The following DNMT3A variants were observed in gnomAD, a reference collection of about 807,000 sequenced individuals.
The protein encoded by DNMT3A is DNA methyltransferase 3 alpha.
DNMT3A carries 267 observed loss-of-function variants against 117.6 expected under a neutral mutation model. The ratio of observed to expected loss-of-function variants is 2.27; its 90% confidence interval spans 2.05 to 2.51. The LOEUF (loss-of-function observed/expected upper bound fraction) is 2.51, where lower values mean the gene tolerates loss of function less well. Ranked by LOEUF, DNMT3A falls within the 30% of genes most tolerant of loss-of-function variation. The pLI, the probability that DNMT3A is intolerant of heterozygous loss-of-function variation, is 0.00. For missense variants in DNMT3A, 1,029 were observed against 1,260.2 expected, an observed-to-expected ratio of 0.82 and a Z score of 2.78; for synonymous variants, 432 against 474.8, an observed-to-expected ratio of 0.91 and a Z score of 1.17.
At position 25,254,830 on chromosome 2, in the gene DNMT3A, A is replaced by G. The variant is rs1675976887; in HGVS notation, c.640-6578T>C. ...TGCGGCTAAACACCTTAGACTCCAC[A>G]TTCTGTGGTCTTGGGACATAAGACT... On this transcript the variant is annotated intron_variant, in intron 6 of 22. Transcript: ENST00000321117. This position sits in a 1 kb window ranked among gnomAD's most constrained non-coding sequence, Gnocchi z 4.7. Among the ~76,000 whole-genome samples the G allele has an allele frequency of 6.6e-6, 1 of 152,160 alleles. No individual in the cohort carries two copies. Among genetic ancestry groups the G allele is most frequent in the Admixed American group, 6.5e-5 (1 of 15,282 alleles).
chr2:25,341,834 C>A lies in DNMT3A; in HGVS notation c.-186G>T. The A allele has an allele frequency of 1.0e-6, 1 of 980,396 alleles. No individual in the cohort carries two copies. Among genetic ancestry groups the A allele is most frequent in the South Asian group, 4.6e-5 (1 of 21,850 alleles). The allele number at this position is 980,396 out of a possible 1,614,324, so 60.7% of individuals were successfully genotyped here. A position where few individuals can be genotyped will look rare whatever the true frequency, so the allele number is the denominator to read the frequency against. ...GCAGCGGCGCTCATTACCGTATGGC[C>A]GGTGGGGTCGGGCCGGCCCGGCTGC... On this transcript the variant is annotated 5_prime_UTR_variant, in exon 1 of 23. Coordinates refer to ENST00000321117, the MANE Select transcript of DNMT3A (RefSeq NM_022552.5).
chr2:25,302,751 G>T (rs1171932549), intron 2 of DNMT3A, among the ~76,000 whole-genome samples: 1 of 146,402 alleles, frequency 6.8e-6, no homozygotes, highest in African/African-American at 2.5e-5. Context: ...ATTTGTGAAG[G>T]TTCTGATTGG....
At chr2:25,334,252 G>T (rs929834849) in intron 1 of DNMT3A, among the ~76,000 whole-genome samples, 5 of 152,142 alleles carry the variant, frequency 3.3e-5, no homozygotes, top group Non-Finnish European at 7.4e-5. Context: ...GTAGCAAGAC[G>T]ACTGCAGACA....
Position 25,230,447 on chromosome 2 carries a change from C to G in DNMT3A, c.*3832G>C, listed in dbSNP as rs1010017499. Reference sequence around the variant, plus strand: ...TGGCACCTGCAGGGGAAGCTGTCATCAGCCCCCAGAACCCTTGTTTCTAAG... The same window carrying G: ...TGGCACCTGCAGGGGAAGCTGTCATGAGCCCCCAGAACCCTTGTTTCTAAG... On this transcript the variant is annotated 3_prime_UTR_variant, in exon 23 of 23. Transcript: ENST00000321117. 2 of 152,260 alleles carry G rather than the reference C, an allele frequency of 1.3e-5. No homozygotes were observed. The highest frequency in any genetic ancestry group is 4.8e-5 in the African/African-American group (2 of 41,468). 9.4% of individuals were successfully genotyped at this position (152,260 alleles called of 1,614,324 possible).
intron 1 of DNMT3A, among the ~76,000 whole-genome samples, chr2:25,332,625 G>T (rs1295818589): frequency 6.6e-6 from 1 of 152,230 alleles, no homozygotes; most frequent in East Asian, 1.9e-4. Flanking sequence ...TCGGGGGCCA[G>T]CATCTCGCCA....
chr2:25,246,260 A>AG lies in DNMT3A; in HGVS notation c.1328dup (p.Glu444Ter). On this transcript the variant is annotated frameshift_variant, in exon 11 of 23. Coordinates refer to ENST00000321117, the MANE Select transcript of DNMT3A (RefSeq NM_022552.5). LOFTEE classifies it high-confidence loss of function. ...GAGGTGGTGCGTAGGCAGCTGCCTC[A>AG]GGTTCCACCCACATGTCCGTGTACA... 6.2e-7 allele frequency: 1 copy of AG among 1,614,058 alleles called. No homozygotes were observed. Among genetic ancestry groups the AG allele is most frequent in the Non-Finnish European group, 8.5e-7 (1 of 1,179,958 alleles).
At chr2:25,261,606 CA>C (rs11312150) in intron 6 of DNMT3A, among the ~76,000 whole-genome samples, 97,095 of 111,632 alleles carry the variant, frequency 0.87, 41,860 homozygotes, top group East Asian at 0.95. Flanking sequence ...GACTCCGTCT[CA>C]AAAAAAAAAA....
chr2:25,249,545 A>T, intron 6 of DNMT3A: 1 of 1,200,688 alleles, frequency 8.3e-7, no homozygotes. Context: ...GTATTCATTC[A>T]GTTATTTACT....
chr2:25,313,413 G>A (rs2034223788), intron 2 of DNMT3A, among the ~76,000 whole-genome samples: 1 of 152,232 alleles, frequency 6.6e-6, no homozygotes, highest in African/African-American at 2.4e-5. Flanking sequence ...GCCACACTGA[G>A]CCCAGCCTGT....
intron 1 of DNMT3A, among the ~76,000 whole-genome samples, chr2:25,331,295 C>T (rs772323183): frequency 3.3e-5 from 5 of 152,246 alleles, no homozygotes; most frequent in Non-Finnish European, 5.9e-5. Flanking sequence ...ACATGGCTCA[C>T]GTCATTTTTT....
Position 25,247,884 on chromosome 2 carries a change from G to T in DNMT3A, c.856-135C>A. 6.6e-7 allele frequency: 1 copy of T among 1,523,996 alleles called. No homozygotes were observed. Among genetic ancestry groups the T allele is most frequent in the Non-Finnish European group, 8.8e-7 (1 of 1,134,948 alleles). The allele number at this position is 1,523,996 out of a possible 1,614,324, so 94.4% of individuals were successfully genotyped here. A position where few individuals can be genotyped will look rare whatever the true frequency, so the allele number is the denominator to read the frequency against. The stretch of plus-strand genomic sequence containing the variant: ...AGGGAGCTCCATCTGAATGAGGCAA[G>T]ACAGAGCAAAATCGGGGAGACGAAG... On this transcript the variant is annotated intron_variant, in intron 7 of 22. Coordinates refer to ENST00000321117, the MANE Select transcript of DNMT3A (RefSeq NM_022552.5). This position sits in a 1 kb window ranked among gnomAD's most constrained non-coding sequence, Gnocchi z 5.6.
rs771174392 is a variant in DNMT3A, at chr2:25,235,779, T to C, written c.2525A>G (p.Gln842Arg). 1.2e-6 allele frequency: 2 copies of C among 1,614,210 alleles called. No homozygotes were observed. Among genetic ancestry groups the C allele is most frequent in the Non-Finnish European group, 1.7e-6 (2 of 1,180,000 alleles). The part of the protein sequence containing the change: ...TITTRSNSIK[Q>R]GKDQHFPVFM... ...GACAGGAAAATGCTGGTCTTTGCCC[T>C]GCTTTATGGAGTTTGACCTCGTAGT... is the stretch of plus-strand genomic sequence containing the variant. Residue 842 changes from glutamine (Q) to arginine (R), a missense_variant, in exon 22 of 23, where the codon CAG (glutamine) becomes CGG (arginine). Gln to Arg is a conservative substitution (Grantham distance 43). Transcript: ENST00000321117.
In DNMT3A at chr2:25,304,527, T is replaced by C. The variant is rs908172905; in HGVS notation, c.73-4284A>G. 6.6e-6 allele frequency among the ~76,000 whole-genome samples: 1 copy of C among 152,154 alleles called. No homozygotes were observed. Among genetic ancestry groups the C allele is most frequent in the Admixed American group, 6.5e-5 (1 of 15,286 alleles). ...CCTCACTATCACACAGAGCCCAACA[T>C]CTGGCGGGCGCTCTTGCCGCAAGAT... On this transcript the variant is annotated intron_variant, in intron 2 of 22. Coordinates refer to ENST00000321117, the MANE Select transcript of DNMT3A (RefSeq NM_022552.5). The surrounding 1 kb of genome is among the most constrained non-coding windows in gnomAD (Gnocchi z 4.3).
chr2:25,240,886 T>C (rs867632753), intron 17 of DNMT3A, among the ~76,000 whole-genome samples, 156 bp from the exon 18 acceptor site: 1 of 152,188 alleles, frequency 6.6e-6, no homozygotes, highest in Non-Finnish European at 1.5e-5. Flanking sequence ...GCTGCAACCA[T>C]GGACAAGTCC....
chr2:25,309,940 C>T (rs1178886504), intron 2 of DNMT3A, among the ~76,000 whole-genome samples: 1 of 152,050 alleles, frequency 6.6e-6, no homozygotes, highest in Non-Finnish European at 1.5e-5. Flanking sequence ...CCTGTAGTCC[C>T]AGCTACTCAG....
In DNMT3A at chr2:25,252,435, G is replaced by C; in HGVS notation, c.640-4183C>G. On this transcript the variant is annotated intron_variant, in intron 6 of 22. Transcript: ENST00000321117. The surrounding 1 kb of genome is among the most constrained non-coding windows in gnomAD (Gnocchi z 5.5). ...GTTGGCTGCGAGCGGCCCGGGGAGG[G>C]GGCCGGCGCTCCGACGCTGGCGCTG... 4.7e-6 allele frequency: 2 copies of C among 426,628 alleles called. No homozygotes were observed. The allele number at this position is 426,628 out of a possible 1,614,324, so 26.4% of individuals were successfully genotyped here. A position where few individuals can be genotyped will look rare whatever the true frequency, so the allele number is the denominator to read the frequency against.
Position 25,234,217 on chromosome 2 carries a change from T to G in DNMT3A, c.*62A>C, listed in dbSNP as rs571507171. Reference sequence around the variant, plus strand: ...CTCATGTTCTTGGTGTTTTATTATGTTTTGTGTTTTTTGTTTGTTTGTTTA... The same window carrying G: ...CTCATGTTCTTGGTGTTTTATTATGGTTTGTGTTTTTTGTTTGTTTGTTTA... On this transcript the variant is annotated 3_prime_UTR_variant, in exon 23 of 23. Coordinates refer to ENST00000321117, the MANE Select transcript of DNMT3A (RefSeq NM_022552.5). The surrounding 1 kb of genome is among the most constrained non-coding windows in gnomAD (Gnocchi z 4.5). 1 of 1,560,156 alleles carries G rather than the reference T, an allele frequency of 6.4e-7. No individual in the cohort carries two copies. Among genetic ancestry groups the G allele is most frequent in the African/African-American group, 1.4e-5 (1 of 73,798 alleles).
chr2:25,300,140 G>A lies in DNMT3A; in HGVS notation c.176C>T (p.Pro59Leu), dbSNP rs772542252. Residue 59 changes from proline to leucine, a missense_variant and splice_region_variant, in exon 3 of 23, where the codon CCG becomes CTG. Coordinates refer to ENST00000321117, the MANE Select transcript of DNMT3A (RefSeq NM_022552.5). ...GGGTGTGTAGGATGTGACACTCACCGGGGGGTGCTTGCGCTTCCTCCCAGG... is the reference window on the plus strand; with the variant it reads ...GGGTGTGTAGGATGTGACACTCACCAGGGGGTGCTTGCGCTTCCTCCCAGG... ...GRPGRKRKHP[P>L]VESGDTPKDP... 24 of 1,611,930 alleles carry A rather than the reference G, an allele frequency of 1.5e-5. No individual in the cohort carries two copies. Among genetic ancestry groups the A allele is most frequent in the African/African-American group, 2.7e-5 (2 of 74,818 alleles).
At chr2:25,338,047 A>C (rs2035276362) in intron 1 of DNMT3A, among the ~76,000 whole-genome samples, 1 of 152,176 alleles carries the variant, frequency 6.6e-6, no homozygotes, top group South Asian at 2.1e-4. Flanking sequence ...CCAGAGACAC[A>C]CTCAACTCCC....
Sources: gnomAD v4.1 joint callset for allele counts (sites outside exome capture counted in the v4.1 genomes callset) on GRCh38, gnomAD v4.1.1 for gene constraint, Gnocchi (gnomAD v3.1) non-coding constraint, MANE v1.5 for transcripts, NCBI Gene and HGNC (gene_info 2026-07-23, HGNC 2026-07-21) for gene names.